Variants in PTPRT observed in about 807,000 individuals in gnomAD.
PTPRT encodes the protein protein tyrosine phosphatase receptor type T, also known as receptor-type tyrosine-protein phosphatase T.
In PTPRT, 56 loss-of-function variants were observed where a neutral mutation model predicts 176.8. The ratio of observed to expected loss-of-function variants is 0.32; its 90% confidence interval spans 0.26 to 0.40. The LOEUF (loss-of-function observed/expected upper bound fraction) is 0.40. PTPRT is among the 10% of genes least tolerant of loss of function. The probability of loss-of-function intolerance (pLI) is 1.00; values close to 1 mark genes in which losing one functional copy is unlikely to be tolerated. For missense variants in PTPRT, 1,540 were observed against 1,908.2 expected, an observed-to-expected ratio of 0.81 and a Z score of 3.60; for synonymous variants, 783 against 739.0, an observed-to-expected ratio of 1.06 and a Z score of -0.96.
At chr20:42,976,553 C>T (rs945939370) in intron 1 of PTPRT, among the ~76,000 whole-genome samples, 1 of 151,900 alleles carries the variant, frequency 6.6e-6, no homozygotes, top group Admixed American at 6.6e-5. Flanking sequence ...TTATAGGCAC[C>T]CACCACCACA....
rs760271858 is a variant in PTPRT at position 42,352,272 on chromosome 20, G to C, written c.1574C>G (p.Ala525Gly). The change falls in exon 10 of 31, where the codon GCT becomes GGT. Residue 525 changes from alanine to glycine, a missense_variant. Transcript: ENST00000373187. ...AGCACTTGGGTCCAGCGAGCCGACA[G>C]CCTTGTAGTTGATCTGTAGGACAAG... ...VITLYEINYKAVGSLDPSADL... is the reference protein window; with the variant it reads ...VITLYEINYKGVGSLDPSADL... 1.9e-6 allele frequency: 3 copies of C among 1,614,140 alleles called. No homozygotes were observed. The highest frequency in any genetic ancestry group is 2.5e-6 in the Non-Finnish European group (3 of 1,180,016).
At chr20:42,622,519 C>G (rs1249676405) in intron 7 of PTPRT, among the ~76,000 whole-genome samples, 2 of 152,158 alleles carry the variant, frequency 1.3e-5, no homozygotes, top group Non-Finnish European at 2.9e-5. Flanking sequence ...GCATTACAGG[C>G]ATGAGCCACC....
intron 15 of PTPRT, among the ~76,000 whole-genome samples, chr20:42,209,218 A>C (rs1454548157): frequency 2.0e-5 from 3 of 152,208 alleles, no homozygotes; most frequent in Non-Finnish European, 4.4e-5. Context: ...TTAATACCCT[A>C]ACATCACAAT....
chr20:43,013,426 G>T (rs1405501758), intron 1 of PTPRT, among the ~76,000 whole-genome samples: 2 of 152,124 alleles, frequency 1.3e-5, no homozygotes, highest in African/African-American at 4.8e-5. Flanking sequence ...GTGCCCAGAG[G>T]GTGTGCTAAA....
intron 7 of PTPRT, among the ~76,000 whole-genome samples, chr20:42,570,777 C>T (rs918694741): frequency 1.3e-5 from 2 of 152,118 alleles, no homozygotes; most frequent in African/African-American, 4.8e-5. Flanking sequence ...TATAAAGACC[C>T]TTGTGATACA....
At chr20:43,042,247 A>G (rs1986636601) in intron 1 of PTPRT, among the ~76,000 whole-genome samples, 1 of 152,194 alleles carries the variant, frequency 6.6e-6, no homozygotes. Context: ...TACATTGTTT[A>G]TTCAGGGCCA....
chr20:42,204,324 C>T (rs2055397128), intron 15 of PTPRT, among the ~76,000 whole-genome samples: 1 of 152,098 alleles, frequency 6.6e-6, no homozygotes, highest in Non-Finnish European at 1.5e-5. Context: ...ATGCAATAGT[C>T]ATATGACTCA....
intron 9 of PTPRT, among the ~76,000 whole-genome samples, chr20:42,393,514 AC>A (rs1000335441): frequency 3.8e-4 from 58 of 152,210 alleles, no homozygotes; most frequent in Middle Eastern, 6.8e-3. Context: ...TGTGTCAGCC[AC>A]ATCTGGGGTT....
intron 6 of PTPRT, among the ~76,000 whole-genome samples, chr20:42,750,902 C>T (rs999793179): frequency 6.6e-6 from 1 of 152,042 alleles, no homozygotes; most frequent in Admixed American, 6.6e-5. Context: ...GTCAATTGAG[C>T]GAAACCTCAA....
chr20:42,556,418 A>G (rs2072861755), intron 7 of PTPRT, among the ~76,000 whole-genome samples: 1 of 152,160 alleles, frequency 6.6e-6, no homozygotes, highest in African/African-American at 2.4e-5. Context: ...GCTGGGAGCT[A>G]AGCGACTTCC....
chr20:42,460,889 G>A (rs373115806), intron 8 of PTPRT, among the ~76,000 whole-genome samples: 1 of 152,146 alleles, frequency 6.6e-6, no homozygotes, highest in Non-Finnish European at 1.5e-5. Flanking sequence ...TATGAAAATG[G>A]ACTAATACAC....
intron 1 of PTPRT, among the ~76,000 whole-genome samples, chr20:42,970,497 A>C (rs1220424769): frequency 6.6e-6 from 1 of 152,202 alleles, no homozygotes; most frequent in African/African-American, 2.4e-5. Context: ...CTTAATAGTT[A>C]TGCGACCTTG....
At chr20:42,958,339 G>GA (rs1981780410) in intron 1 of PTPRT, among the ~76,000 whole-genome samples, 4 of 90,284 alleles carry the variant, frequency 4.4e-5, no homozygotes, top group Non-Finnish European at 7.0e-5. Context: ...AGGAGGGAGG[G>GA]GAGAGGAGGG....
At chr20:42,494,049 A>G (rs1206915798) in intron 7 of PTPRT, among the ~76,000 whole-genome samples, 1 of 152,136 alleles carries the variant, frequency 6.6e-6, no homozygotes, top group Non-Finnish European at 1.5e-5. Flanking sequence ...TATTTTAAAT[A>G]TGAAGATAGG....
intron 14 of PTPRT, among the ~76,000 whole-genome samples, chr20:42,244,110 T>A (rs2056407083): frequency 1.3e-5 from 2 of 152,200 alleles, no homozygotes; most frequent in Non-Finnish European, 2.9e-5. Flanking sequence ...AATAGCCCCA[T>A]AAAACTGGCT....
chr20:42,385,033 G>A (rs1256793486), intron 9 of PTPRT, among the ~76,000 whole-genome samples: 1 of 152,150 alleles, frequency 6.6e-6, no homozygotes, highest in East Asian at 1.9e-4. Flanking sequence ...CATTCTGTAG[G>A]CTGTCTCTTC....
At chr20:42,341,168 T>A (rs1422891991) in intron 11 of PTPRT, among the ~76,000 whole-genome samples, 1 of 152,188 alleles carries the variant, frequency 6.6e-6, no homozygotes, top group Non-Finnish European at 1.5e-5. Flanking sequence ...CCTGTCTTTC[T>A]ACACTCTCCC....
rs62203558 is a variant in PTPRT at position 42,465,376 on chromosome 20, T to A, written c.1450+6890A>T. Reference sequence around the variant, plus strand: ...TGCACAATGCTATTTGCTACAGTATTATTTATGATAGTAAATAACGGAAAC... The same window carrying A: ...TGCACAATGCTATTTGCTACAGTATAATTTATGATAGTAAATAACGGAAAC... On this transcript the variant is annotated intron_variant, in intron 8 of 30. Coordinates refer to ENST00000373187, the MANE Select transcript of PTPRT (RefSeq NM_007050.6). 8.6e-3 allele frequency among the ~76,000 whole-genome samples: 1,311 copies of A among 152,330 alleles called. 11 individuals carry two copies. The highest frequency in any genetic ancestry group is 0.014 in the Middle Eastern group (4 of 294).
intron 1 of PTPRT, among the ~76,000 whole-genome samples, chr20:43,004,032 T>A (rs1179914063): frequency 2.0e-5 from 3 of 152,192 alleles, no homozygotes; most frequent in Admixed American, 6.5e-5. Flanking sequence ...GTGAATTTAC[T>A]TTAAAATTAT....
Sources: gnomAD v4.1 joint callset for allele counts (sites outside exome capture counted in the v4.1 genomes callset) on GRCh38, gnomAD v4.1.1 for gene constraint, MANE v1.5 for transcripts, NCBI Gene and HGNC (gene_info 2026-07-23, HGNC 2026-07-21) for gene names.